The following ADGRV1 variants were observed in gnomAD, a reference collection of about 807,000 sequenced individuals.
ADGRV1 encodes the protein G-protein coupled receptor 98.
Under a neutral mutation model 596.2 loss-of-function variants are expected in ADGRV1, and 359 were observed. The observed-to-expected ratio is 0.60, with a 90% CI of 0.55 to 0.66. The LOEUF is 0.66. ADGRV1 is among the 30% of genes least tolerant of loss of function. The pLI, the probability that ADGRV1 is intolerant of heterozygous loss-of-function variation, is 0.00. For synonymous variants in ADGRV1, 2,681 were observed against 2,679.2 expected (o/e 1.00, Z -0.02); for missense variants, 7,274 against 7,575.6 (o/e 0.96, Z 1.48).
At chr5:91,107,925 A>G (rs1206834389) in intron 87 of ADGRV1, among the ~76,000 whole-genome samples, 4 of 152,210 alleles carry the variant, frequency 2.6e-5, no homozygotes, top group Non-Finnish European at 5.9e-5. Flanking sequence ...TGGTACATAT[A>G]AGAAAAAATT....
At chr5:90,945,849 G>A (rs963153623) in intron 83 of ADGRV1, among the ~76,000 whole-genome samples, 4 of 151,990 alleles carry the variant, frequency 2.6e-5, no homozygotes, top group African/African-American at 9.7e-5. Context: ...ATGGTGGTGT[G>A]TGCCTGTAGT....
rs766169000 is a variant in ADGRV1 at position 90,689,906 on chromosome 5, G to A, written c.6536G>A (p.Gly2179Glu). 1.9e-6 allele frequency: 3 copies of A among 1,613,188 alleles called. No homozygotes were observed. The highest frequency in any genetic ancestry group is 2.5e-6 in the Non-Finnish European group (3 of 1,179,554). Residue 2179 changes from glycine to glutamate, a missense_variant, in exon 30 of 90, where the codon GGG becomes GAG. Around this residue, in one of 5 missense-constraint regions of ADGRV1, gnomAD observed 3,643 missense variants for 3,809.2 expected, o/e 0.96. Coordinates refer to ENST00000405460, the MANE Select transcript of ADGRV1 (RefSeq NM_032119.4). ...TCATCAGATGTGGTCTTGCTAGAAG[G>A]GGAAACCAGTAAAGCCGTGCCAATA... ...IASSDVVLLE[G>E]ETSKAVPIYV... is the part of the protein sequence containing the mutation.
At chr5:90,938,942 C>T (rs1253123658) in intron 83 of ADGRV1, among the ~76,000 whole-genome samples, 1 of 152,136 alleles carries the variant, frequency 6.6e-6, no homozygotes, top group Admixed American at 6.6e-5. Flanking sequence ...AAATCCTAAC[C>T]ACATACATAT....
rs759408291 is a variant in ADGRV1 at position 90,716,588 on chromosome 5, C to T, written c.9306C>T (p.Tyr3102=). Residue 3102 remains tyrosine, a synonymous_variant, in exon 43 of 90, where the codon TAC becomes TAT. Coordinates refer to ENST00000405460, the MANE Select transcript of ADGRV1 (RefSeq NM_032119.4). ...TCCAGGAGAGTGTTGCAGTATTGTA[C>T]ATTGTTCGGGAACCTGCACAAGGAT... ...LYVQESVAVL[Y]IVREPAQGLF... 2.5e-6 allele frequency: 4 copies of T among 1,613,674 alleles called. No homozygotes were observed. Among genetic ancestry groups the T allele is most frequent in the Non-Finnish European group, 3.4e-6 (4 of 1,179,822 alleles).
At position 91,153,254 on chromosome 5, in the gene ADGRV1, C is replaced by T. The variant is rs1425672703; in HGVS notation, c.18658C>T (p.Gln6220Ter). 6.2e-7 allele frequency: 1 copy of T among 1,608,452 alleles called. No homozygotes were observed. The highest frequency in any genetic ancestry group is 2.2e-5 in the East Asian group (1 of 44,744). The change falls in exon 89 of 90, where the codon CAG becomes TAG. Residue 6220 changes from glutamine to a stop codon, truncating the protein, a stop_gained. Transcript: ENST00000405460. LOFTEE classifies it high-confidence loss of function. ...TGACTGGGAGAGAGCATCCTTCCAACAGGGCAGTCAGGCCAGCCCTGATTT... is the reference window on the plus strand; with the variant it reads ...TGACTGGGAGAGAGCATCCTTCCAATAGGGCAGTCAGGCCAGCCCTGATTT... The part of the protein sequence containing the change: ...PPDWERASFQ[Q>*]GSQASPDLKP...
intron 83 of ADGRV1, among the ~76,000 whole-genome samples, chr5:90,961,304 T>C (rs1156281772): frequency 6.6e-6 from 1 of 151,812 alleles, no homozygotes; most frequent in Non-Finnish European, 1.5e-5. Flanking sequence ...AGCGAGACCA[T>C]CCTGGCTAAC....
At chr5:91,009,389 C>A (rs1421406890) in intron 85 of ADGRV1, among the ~76,000 whole-genome samples, 2 of 152,084 alleles carry the variant, frequency 1.3e-5, no homozygotes, top group African/African-American at 2.4e-5. Context: ...CTGTTGGAGA[C>A]AATTGAAACA....
chr5:90,939,358 T>C (rs1775978038), intron 83 of ADGRV1, among the ~76,000 whole-genome samples: 1 of 152,222 alleles, frequency 6.6e-6, no homozygotes, highest in African/African-American at 2.4e-5. Context: ...GATCTGCTGC[T>C]GTGATTAATG....
At chr5:90,648,105 A>G (rs977708754) in intron 17 of ADGRV1, among the ~76,000 whole-genome samples, 17 of 152,226 alleles carry the variant, frequency 1.1e-4, no homozygotes, top group African/African-American at 4.1e-4. Context: ...CAGCGACTTA[A>G]GGGATAGGTA....
chr5:91,135,985 C>T (rs1029228172), intron 87 of ADGRV1, among the ~76,000 whole-genome samples: 3 of 152,032 alleles, frequency 2.0e-5, no homozygotes, highest in Admixed American at 6.6e-5. Context: ...CACAAGTCCA[C>T]GGGGCAAACC....
chr5:90,629,144 A>G (rs1329151414), intron 8 of ADGRV1, 66 bp from the exon 9 acceptor site: 6 of 834,130 alleles, frequency 7.2e-6, no homozygotes, highest in Non-Finnish European at 1.0e-5. Context: ...TAACATGGAA[A>G]ATACAGAGTT....
intron 1 of ADGRV1, among the ~76,000 whole-genome samples, chr5:90,562,556 C>G (rs1491003726): frequency 2.0e-5 from 3 of 152,164 alleles, no homozygotes; most frequent in Non-Finnish European, 4.4e-5. Flanking sequence ...GACCAAGTCC[C>G]TCCCCGAGCT....
chr5:90,641,098 T>C (rs2149422178), intron 11 of ADGRV1, among the ~76,000 whole-genome samples: 1 of 152,322 alleles, frequency 6.6e-6, no homozygotes, highest in Middle Eastern at 3.4e-3. Flanking sequence ...TGAATGCATT[T>C]AAAGTATTTT....
At chr5:90,994,444 G>A (rs1013852433) in intron 85 of ADGRV1, among the ~76,000 whole-genome samples, 2 of 151,966 alleles carry the variant, frequency 1.3e-5, no homozygotes, top group African/African-American at 4.8e-5. Context: ...TTTTCTATTT[G>A]ATGTCATTCT....
chr5:90,734,522 G>C (rs1158004345), intron 50 of ADGRV1, among the ~76,000 whole-genome samples: 2 of 150,830 alleles, frequency 1.3e-5, no homozygotes, highest in African/African-American at 4.9e-5. Context: ...TTTTTTTCAT[G>C]AACCTGTTGG....
At chr5:90,568,710 C>G (rs998810624) in intron 1 of ADGRV1, among the ~76,000 whole-genome samples, 2 of 152,084 alleles carry the variant, frequency 1.3e-5, no homozygotes, top group Non-Finnish European at 2.9e-5. Flanking sequence ...ACATGGGGTA[C>G]TAAAGTCACT....
At chr5:90,694,840 A>C in intron 33 of ADGRV1, 139 bp downstream of exon 33, 5 of 765,220 alleles carry the variant, frequency 6.5e-6, no homozygotes, top group Non-Finnish European at 4.0e-6. Context: ...AGAAAAAAAT[A>C]GAAGTTAATT....
chr5:90,693,823 T>C, intron 32 of ADGRV1, 67 bp from the exon 33 acceptor site: 1 of 1,210,730 alleles, frequency 8.3e-7, no homozygotes, highest in South Asian at 1.7e-5. Flanking sequence ...CAGTCAGCAT[T>C]CCTCTTCTCT....
intron 50 of ADGRV1, among the ~76,000 whole-genome samples, chr5:90,737,415 TAGA>T (rs59025676): frequency 0.012 from 1,824 of 152,076 alleles, 14 homozygotes; most frequent in Middle Eastern, 0.061. Context: ...TGCTTTTGGA[TAGA>T]AGATTTTGTA....
Sources: gnomAD v4.1 joint callset for allele counts (sites outside exome capture counted in the v4.1 genomes callset) on GRCh38, gnomAD v4.1.1 for gene constraint, gnomAD v4.1.1 regional missense constraint, MANE v1.5 for transcripts, NCBI Gene and HGNC (gene_info 2026-07-23, HGNC 2026-07-21) for gene names.